MAPK10: variants seen among roughly 807,000 people sequenced by gnomAD.
The protein encoded by MAPK10 is JNK3 alpha protein kinase.
MAPK10 carries 25 observed loss-of-function variants against 59.3 expected under a neutral mutation model. The ratio of observed to expected loss-of-function variants is 0.42; its 90% CI spans 0.31 to 0.59. MAPK10 has a LOEUF of 0.59. Ranked by LOEUF, MAPK10 falls within the 20% of genes least tolerant of loss-of-function variation. The pLI, the probability that MAPK10 is intolerant of heterozygous loss-of-function variation, is 0.15. For synonymous variants in MAPK10, 190 were observed against 200.5 expected, an observed-to-expected ratio of 0.95 and a Z score of 0.44; for missense variants, 351 against 568.9, an observed-to-expected ratio of 0.62 and a Z score of 3.90.
At chr4:86,071,236 G>C (rs2047878873) in intron 9 of MAPK10, among the ~76,000 whole-genome samples, 1 of 151,982 alleles carries the variant, frequency 6.6e-6, no homozygotes, top group Non-Finnish European at 1.5e-5. Context: ...TTTTAATGGG[G>C]TTGTTTGTTT....
chr4:86,522,092 G>T (rs1757150793), intron 1 of MAPK10, among the ~76,000 whole-genome samples: 1 of 152,192 alleles, frequency 6.6e-6, no homozygotes. Flanking sequence ...TCTAGGTAAG[G>T]TTAACTCCTT....
At chr4:86,241,719 C>T (rs953905638) in intron 2 of MAPK10, among the ~76,000 whole-genome samples, 14 of 152,122 alleles carry the variant, frequency 9.2e-5, no homozygotes, top group African/African-American at 3.4e-4. Flanking sequence ...TTCTAATTAG[C>T]AATTCCTCTA....
At chr4:86,302,465 C>T (rs183878670) in intron 2 of MAPK10, among the ~76,000 whole-genome samples, 17 of 152,306 alleles carry the variant, frequency 1.1e-4, no homozygotes, top group Non-Finnish European at 1.9e-4. Flanking sequence ...CTGAAGTCAA[C>T]TGGCGAAGCG....
chr4:86,068,486 A>G (rs1447845436), intron 9 of MAPK10, among the ~76,000 whole-genome samples: 2 of 152,114 alleles, frequency 1.3e-5, no homozygotes, highest in Admixed American at 1.3e-4. Context: ...GCATATCAAC[A>G]TAACTTTTAT....
chr4:86,291,512 A>T (rs1459410557), intron 2 of MAPK10, among the ~76,000 whole-genome samples: 1 of 152,218 alleles, frequency 6.6e-6, no homozygotes, highest in Non-Finnish European at 1.5e-5. Context: ...GTTTTATTTA[A>T]GCAAAGTAGT....
At chr4:86,283,286 T>C (rs2094884251) in intron 2 of MAPK10, among the ~76,000 whole-genome samples, 1 of 152,178 alleles carries the variant, frequency 6.6e-6, no homozygotes, top group East Asian at 1.9e-4. Context: ...ACAAAACTCA[T>C]CTGGAAAACC....
chr4:86,437,084 G>C (rs1367254589), intron 1 of MAPK10, among the ~76,000 whole-genome samples: 1 of 151,944 alleles, frequency 6.6e-6, no homozygotes, highest in Non-Finnish European at 1.5e-5. Context: ...CGTGGTGGCA[G>C]GCACCTGTAG....
chr4:86,320,956 A>T lies in MAPK10; in HGVS notation c.-7+33574T>A, dbSNP rs576648076. ...AACAGACACTTCTCAAAAGAAGACA[A>T]TTATGCAGCCAAAAAACACATGAAA... On this transcript the variant is annotated intron_variant, in intron 2 of 13. Coordinates refer to ENST00000641462, the MANE Select transcript of MAPK10 (RefSeq NM_138982.4). Among the ~76,000 whole-genome samples, 962 of 144,196 alleles carry T rather than the reference A, an allele frequency of 6.7e-3. 6 individuals are homozygous for T. The highest frequency in any genetic ancestry group is 0.021 in the African/African-American group (860 of 40,418). The allele number at this position is 144,196 out of a possible 152,430, so 94.6% of individuals were successfully genotyped here.
intron 2 of MAPK10, among the ~76,000 whole-genome samples, chr4:86,283,919 G>A (rs1390712306): frequency 1.3e-5 from 2 of 152,066 alleles, no homozygotes; most frequent in Non-Finnish European, 2.9e-5. Context: ...GGAAAAGGGG[G>A]GTTTTCAAGT....
chr4:86,392,439 CA>C (rs35427609), intron 1 of MAPK10: 60,369 of 122,848 alleles, frequency 0.49, 13,045 homozygotes, highest in Non-Finnish European at 0.55. Flanking sequence ...GAAACTGTCT[CA>C]AAAAAAAAAA....
intron 1 of MAPK10, among the ~76,000 whole-genome samples, chr4:86,486,122 T>G (rs1435668363): frequency 6.6e-6 from 1 of 152,206 alleles, no homozygotes; most frequent in African/African-American, 2.4e-5. Context: ...AACTGTATTT[T>G]ATTAAATAAT....
chr4:86,221,103 A>C (rs1331146064), intron 2 of MAPK10, among the ~76,000 whole-genome samples: 1 of 152,244 alleles, frequency 6.6e-6, no homozygotes. Flanking sequence ...CCCATCAGTC[A>C]GGGACAGACA....
At chr4:86,091,369 A>G (rs975455312) in intron 9 of MAPK10, 1 of 151,696 alleles carries the variant, frequency 6.6e-6, no homozygotes, top group African/African-American at 2.4e-5. Flanking sequence ...GGCATCCTAC[A>G]TATTGACTCA....
intron 2 of MAPK10, among the ~76,000 whole-genome samples, chr4:86,284,790 T>G (rs1488052555): frequency 6.6e-6 from 1 of 152,078 alleles, no homozygotes; most frequent in Non-Finnish European, 1.5e-5. Context: ...CTGGTAAGAG[T>G]TGGGTAACAG....
At chr4:86,381,787 A>G (rs760224488) in intron 1 of MAPK10, among the ~76,000 whole-genome samples, 13 of 152,160 alleles carry the variant, frequency 8.5e-5, no homozygotes, top group Non-Finnish European at 1.6e-4. Context: ...GACGGTTTAC[A>G]AACATGTGGG....
intron 2 of MAPK10, among the ~76,000 whole-genome samples, chr4:86,223,057 T>C (rs1269833832): frequency 2.0e-5 from 3 of 152,236 alleles, no homozygotes; most frequent in African/African-American, 7.2e-5. Flanking sequence ...CCATTGACCC[T>C]CAATACCCAC....
intron 4 of MAPK10, among the ~76,000 whole-genome samples, chr4:86,131,748 A>C (rs1461938323): frequency 6.6e-6 from 1 of 152,200 alleles, no homozygotes; most frequent in Non-Finnish European, 1.5e-5. Flanking sequence ...AAATATTTTA[A>C]AATAATGTTA....
chr4:86,446,695 G>C (rs141641875), intron 1 of MAPK10, among the ~76,000 whole-genome samples: 1 of 152,172 alleles, frequency 6.6e-6, no homozygotes, highest in East Asian at 1.9e-4. Context: ...AGCAGTTCTT[G>C]ATATGATATT....
intron 9 of MAPK10, among the ~76,000 whole-genome samples, chr4:86,096,324 GA>G (rs1171948973): frequency 3.3e-5 from 5 of 151,766 alleles, no homozygotes. Context: ...ATTTTTAAAA[GA>G]AAATAAAATT....
Sources: gnomAD v4.1 joint callset for allele counts (sites outside exome capture counted in the v4.1 genomes callset) on GRCh38, gnomAD v4.1.1 for gene constraint, MANE v1.5 for transcripts, NCBI Gene and HGNC (gene_info 2026-07-23, HGNC 2026-07-21) for gene names.